The following ANKRD44 variants were observed in gnomAD, a reference collection of about 807,000 sequenced individuals.
ANKRD44 encodes serine/threonine-protein phosphatase 6 regulatory ankyrin repeat subunit B.
Under a neutral mutation model 116.0 loss-of-function variants are expected in ANKRD44, and 35 were observed. The ratio of observed to expected loss-of-function variants is 0.30; its 90% CI spans 0.23 to 0.40. ANKRD44 has a LOEUF of 0.40. ANKRD44 is among the 10% of genes least tolerant of loss of function. The pLI, the probability that ANKRD44 is intolerant of heterozygous loss-of-function variation, is 1.00. For missense variants in ANKRD44, 1,014 were observed against 1,242.6 expected (o/e 0.82, Z 2.77); for synonymous variants, 435 against 461.8 (o/e 0.94, Z 0.74).
Position 197,000,400 on chromosome 2 carries a change from G to A in ANKRD44, c.2519+19C>T. The A allele has an allele frequency of 6.3e-7, 1 of 1,597,348 alleles. No homozygotes were observed. The highest frequency in any genetic ancestry group is 8.6e-7 in the Non-Finnish European group (1 of 1,165,140). The stretch of plus-strand genomic sequence containing the variant: ...GTAAGATTCATCAAGAAAAAAGCAT[G>A]CTGTTTTAGATTACTTACCTGCCTT... On this transcript the variant is annotated intron_variant, in intron 23 of 27. Coordinates refer to ENST00000282272, the MANE Select transcript of ANKRD44 (RefSeq NM_001195144.2).
rs573674153 is a variant in ANKRD44, at chr2:197,220,654, G to T, written c.28-33548C>A. On this transcript the variant is annotated intron_variant, in intron 1 of 27. Transcript: ENST00000282272. ...TTATATTTCTGGGGGAAAAAAAATG[G>T]GTTATAAGCACACTCTCAGCTAAAG... Among the ~76,000 whole-genome samples the T allele has an allele frequency of 6.6e-5, 10 of 152,160 alleles. No homozygotes were observed. In the East Asian group the frequency reaches 1.9e-3, roughly 29 times the overall value.
chr2:197,058,102 A>G (rs1276000168), intron 16 of ANKRD44, among the ~76,000 whole-genome samples: 1 of 152,214 alleles, frequency 6.6e-6, no homozygotes, highest in Non-Finnish European at 1.5e-5. Context: ...TATGTTCTTA[A>G]TAAATACACA....
At chr2:197,119,521 T>C (rs1389591607) in intron 8 of ANKRD44, among the ~76,000 whole-genome samples, 1 of 152,200 alleles carries the variant, frequency 6.6e-6, no homozygotes, top group Non-Finnish European at 1.5e-5. Flanking sequence ...GAGCTGGGAT[T>C]ACAGGCCGAG....
chr2:197,001,093 T>C (rs1031593826), intron 22 of ANKRD44, among the ~76,000 whole-genome samples: 2 of 152,206 alleles, frequency 1.3e-5, no homozygotes, highest in Admixed American at 1.3e-4. Context: ...ACTTATACTT[T>C]CTTTATTGAT....
intron 18 of ANKRD44, among the ~76,000 whole-genome samples, chr2:197,009,960 A>G (rs1053776194): frequency 6.6e-6 from 1 of 151,886 alleles, no homozygotes; most frequent in Non-Finnish European, 1.5e-5. Context: ...CCATATAATC[A>G]TACTGTATCT....
intron 1 of ANKRD44, among the ~76,000 whole-genome samples, chr2:197,236,944 C>A (rs963415622): frequency 6.6e-6 from 1 of 152,116 alleles, no homozygotes; most frequent in Admixed American, 6.6e-5. Flanking sequence ...TGGGGAGAAG[C>A]AAGACACTGA....
chr2:197,095,578 A>T (rs992877984), intron 10 of ANKRD44, among the ~76,000 whole-genome samples: 2 of 152,228 alleles, frequency 1.3e-5, no homozygotes, highest in Non-Finnish European at 2.9e-5. Flanking sequence ...CTTTGGCAAA[A>T]TGTGAACCAT....
chr2:197,254,208 C>T (rs1354774659), intron 1 of ANKRD44, among the ~76,000 whole-genome samples: 1 of 152,224 alleles, frequency 6.6e-6, no homozygotes, highest in African/African-American at 2.4e-5. Flanking sequence ...GCCCGACCAA[C>T]ATGGCGAAAC....
At chr2:197,189,645 G>A (rs1018684626) in intron 1 of ANKRD44, among the ~76,000 whole-genome samples, 6 of 152,222 alleles carry the variant, frequency 3.9e-5, no homozygotes, top group African/African-American at 1.4e-4. Flanking sequence ...AAATGCTCAT[G>A]TGTGCATTTC....
intron 1 of ANKRD44, among the ~76,000 whole-genome samples, chr2:197,228,145 T>A (rs2081763643): frequency 6.6e-6 from 1 of 152,344 alleles, no homozygotes; most frequent in East Asian, 1.9e-4. Context: ...GGGATTTACC[T>A]TGGATATTTG....
chr2:196,991,021 G>A (rs1024439357), intron 27 of ANKRD44: 28 of 1,064,608 alleles, frequency 2.6e-5, no homozygotes, highest in African/African-American at 1.1e-4. Flanking sequence ...TCTCACAGGC[G>A]GAGATGTATG....
At chr2:197,114,319 G>T (rs1266733995) in intron 8 of ANKRD44, among the ~76,000 whole-genome samples, 1 of 152,050 alleles carries the variant, frequency 6.6e-6, no homozygotes, top group Non-Finnish European at 1.5e-5. Flanking sequence ...TTTTCCCATA[G>T]AATTTAGGGC....
At chr2:197,001,975 T>C in intron 21 of ANKRD44, 135 bp from the exon 22 acceptor site, 1 of 634,334 alleles carries the variant, frequency 1.6e-6, no homozygotes, top group Non-Finnish European at 2.7e-6. Context: ...CTCCATGAAA[T>C]AATATTAACA....
At chr2:197,290,563 C>CA (rs1248637679) in intron 1 of ANKRD44, among the ~76,000 whole-genome samples, 1 of 152,148 alleles carries the variant, frequency 6.6e-6, no homozygotes, top group African/African-American at 2.4e-5. Context: ...ATGTTCTTCA[C>CA]AAATACACAA....
chr2:197,168,346 G>T (rs1245808471), intron 2 of ANKRD44, among the ~76,000 whole-genome samples: 2 of 152,232 alleles, frequency 1.3e-5, no homozygotes, highest in Non-Finnish European at 2.9e-5. Flanking sequence ...AGATTCTGAA[G>T]TGCTCTCTGA....
intron 16 of ANKRD44, among the ~76,000 whole-genome samples, chr2:197,034,464 A>G (rs561164885): frequency 6.7e-6 from 1 of 149,332 alleles, no homozygotes; most frequent in East Asian, 2.0e-4. Flanking sequence ...CAACGTGCAT[A>G]TCTAGTATGT....
At chr2:197,038,409 C>A (rs1434468349) in intron 16 of ANKRD44, among the ~76,000 whole-genome samples, 5 of 152,190 alleles carry the variant, frequency 3.3e-5, no homozygotes, top group Non-Finnish European at 4.4e-5. Context: ...ACAAACCTGA[C>A]CTTTCATAGA....
At chr2:197,078,905 T>C in intron 15 of ANKRD44, 91 bp from the exon 16 acceptor site, 3 of 1,324,988 alleles carry the variant, frequency 2.3e-6, no homozygotes, top group Non-Finnish European at 3.1e-6. Flanking sequence ...GAACGTTCCA[T>C]GAAGTACTTT....
chr2:197,168,152 T>C (rs1212525165), intron 2 of ANKRD44, among the ~76,000 whole-genome samples: 2 of 152,190 alleles, frequency 1.3e-5, no homozygotes, highest in Admixed American at 1.3e-4. Flanking sequence ...CACCTCTAGA[T>C]GATTCCAGCC....
Sources: gnomAD v4.1 joint callset for allele counts (sites outside exome capture counted in the v4.1 genomes callset) on GRCh38, gnomAD v4.1.1 for gene constraint, MANE v1.5 for transcripts, NCBI Gene and HGNC (gene_info 2026-07-23, HGNC 2026-07-21) for gene names.